Variants in CEP290 observed in about 807,000 individuals in gnomAD.
The protein encoded by CEP290 is centrosomal protein 290, also known as centrosomal protein of 290 kDa.
A neutral mutation model predicts 344.9 loss-of-function variants in CEP290; 317 were observed. The ratio of observed to expected loss-of-function variants is 0.92; its 90% CI spans 0.84 to 1.01. The LOEUF (loss-of-function observed/expected upper bound fraction) is 1.01. Among genes scored for constraint, CEP290 ranks in the 50% least tolerant of loss-of-function variants. The probability of loss-of-function intolerance (pLI) is 0.00; values close to 1 mark genes in which losing one functional copy is unlikely to be tolerated. For missense variants in CEP290, 2,754 were observed against 2,761.4 expected (o/e 1.00, Z 0.06); for synonymous variants, 932 against 895.8 (o/e 1.04, Z -0.72).
chr12:88,118,341 C>CGG, intron 17 of CEP290, 142 bp downstream of exon 17: 1 of 665,864 alleles, frequency 1.5e-6, no homozygotes, highest in Non-Finnish European at 2.6e-6. Context: ...CACTTATCTC[C>CGG]TTCAGGTTAT....
At chr12:88,099,621 GAAT>G (rs2037721191) in intron 26 of CEP290, among the ~76,000 whole-genome samples, 2 of 151,966 alleles carry the variant, frequency 1.3e-5, no homozygotes, top group South Asian at 4.1e-4. Flanking sequence ...GTGTTATGAA[GAAT>G]AATACAAACA....
intron 13 of CEP290, among the ~76,000 whole-genome samples, chr12:88,123,341 A>T (rs2039529432): frequency 6.6e-6 from 1 of 152,066 alleles, no homozygotes; most frequent in South Asian, 2.1e-4. Context: ...TTATAGAAAC[A>T]GTCCTGGAAA....
chr12:88,060,049 T>C (rs1262764697), intron 47 of CEP290, 29 bp from the exon 48 acceptor site: 1 of 1,466,684 alleles, frequency 6.8e-7, no homozygotes, highest in Non-Finnish European at 9.1e-7. Flanking sequence ...AAATAAAAAG[T>C]ATACATTATC....
At chr12:88,118,235 T>C (rs2039178474) in intron 17 of CEP290, among the ~76,000 whole-genome samples, 1 of 152,028 alleles carries the variant, frequency 6.6e-6, no homozygotes, top group South Asian at 2.1e-4. Context: ...ATTCCATAAT[T>C]CTAAGGTTTT....
intron 53 of CEP290, chr12:88,049,930 A>C (rs1182955069): frequency 6.2e-6 from 1 of 161,682 alleles, no homozygotes; most frequent in East Asian, 1.9e-4. Flanking sequence ...ACTATTTAGA[A>C]TAGCCAGTGA....
intron 37 of CEP290, 70 bp from the exon 38 acceptor site, chr12:88,080,465 T>C: frequency 8.9e-7 from 1 of 1,125,250 alleles, no homozygotes; most frequent in East Asian, 2.4e-5. Context: ...AGTCTCACTC[T>C]GTCACCCAGG....
intron 22 of CEP290, among the ~76,000 whole-genome samples, chr12:88,110,016 C>A (rs1415317545): frequency 6.6e-6 from 1 of 151,680 alleles, no homozygotes; most frequent in Non-Finnish European, 1.5e-5. Context: ...CCTTAGACAA[C>A]ATAAAATAAT....
At position 88,079,127 on chromosome 12, in the gene CEP290, G is replaced by A. The variant is rs774410421; in HGVS notation, c.5329C>T (p.Gln1777Ter). 1.3e-6 allele frequency: 2 copies of A among 1,594,498 alleles called. No homozygotes were observed. Among genetic ancestry groups the A allele is most frequent in the Non-Finnish European group, 8.5e-7 (1 of 1,172,604 alleles). Residue 1777 changes from glutamine to a stop codon, truncating the protein, a stop_gained, in exon 39 of 54, where the codon CAA (glutamine) becomes TAA (stop). Transcript: ENST00000552810. LOFTEE classifies it high-confidence loss of function. ...CTAGTATGTCGATCAACGATTTGTT[G>A]AACATTGAGATGGGCCTCTTTTTGA... is the stretch of plus-strand genomic sequence containing the variant. ...TSQKEAHLNV[Q>*]QIVDRHTREL... is the part of the protein sequence containing the mutation.
At chr12:88,102,485 T>C (rs2037964397) in intron 26 of CEP290, among the ~76,000 whole-genome samples, 1 of 152,122 alleles carries the variant, frequency 6.6e-6, no homozygotes, top group African/African-American at 2.4e-5. Context: ...AGTGCTTCCC[T>C]CCTTTGATTA....
rs867094910 is a variant in CEP290, at chr12:88,117,104, G to A, written c.1753C>T (p.Gln585Ter). 5 of 1,561,050 alleles carry A rather than the reference G, an allele frequency of 3.2e-6. No homozygotes were observed. The highest frequency in any genetic ancestry group is 4.3e-6 in the Non-Finnish European group (5 of 1,149,774). ...TTTCTTTCACTTATTCTATCTCCTTGAGAAATGTTTTCAGTTAGGTTCAGG... is the reference window on the plus strand; with the variant it reads ...TTTCTTTCACTTATTCTATCTCCTTAAGAAATGTTTTCAGTTAGGTTCAGG... ...EDLNLTENIS[Q>*]GDRISERKLD... The change falls in exon 18 of 54, where the codon CAA (glutamine) becomes TAA (stop). Residue 585 changes from glutamine (Q) to a stop codon, truncating the protein, a stop_gained. Coordinates refer to ENST00000552810, the MANE Select transcript of CEP290 (RefSeq NM_025114.4). LOFTEE classifies it high-confidence loss of function.
At chr12:88,136,524 T>G in intron 6 of CEP290, 119 bp downstream of exon 6, 1 of 975,580 alleles carries the variant, frequency 1.0e-6, no homozygotes, top group Non-Finnish European at 1.6e-6. Context: ...ACCTTAGAGA[T>G]AAGTGTACAT....
rs113132803 is a variant in CEP290 at position 88,131,237 on chromosome 12, A to G, written c.442-19T>C. ...GAGCCAACTAAAATAGTAAAAAAAAAAAATAAATAAGAAGAAGATAAAATT... is the reference window on the plus strand; with the variant it reads ...GAGCCAACTAAAATAGTAAAAAAAAGAAATAAATAAGAAGAAGATAAAATT... On this transcript the variant is annotated intron_variant, in intron 6 of 53. Transcript: ENST00000552810. 1.4e-6 allele frequency: 2 copies of G among 1,457,906 alleles called. No individual in the cohort carries two copies. Among genetic ancestry groups the G allele is most frequent in the Non-Finnish European group, 1.8e-6 (2 of 1,105,188 alleles). The allele number at this position is 1,457,906 out of a possible 1,614,324, so 90.3% of individuals were successfully genotyped here.
Position 88,106,980 on chromosome 12 carries a change from A to C in CEP290, c.2586+16T>G. Reference sequence around the variant, plus strand: ...TGTACAATATTGCATACTAATGTTAAAAATGTTTTACTTACATTATATTCT... The same window carrying C: ...TGTACAATATTGCATACTAATGTTACAAATGTTTTACTTACATTATATTCT... On this transcript the variant is annotated intron_variant, in intron 24 of 53. Coordinates refer to ENST00000552810, the MANE Select transcript of CEP290 (RefSeq NM_025114.4). The C allele has an allele frequency of 1.3e-6, 2 of 1,537,198 alleles. No individual in the cohort carries two copies. The highest frequency in any genetic ancestry group is 1.2e-5 in the South Asian group (1 of 81,128).
Position 88,139,555 on chromosome 12 carries a change from G to C in CEP290, c.190C>G (p.Gln64Glu), listed in dbSNP as rs1166981120. 1 of 1,575,940 alleles carries C rather than the reference G, an allele frequency of 6.3e-7. No homozygotes were observed. Among genetic ancestry groups the C allele is most frequent in the Non-Finnish European group, 8.6e-7 (1 of 1,162,326 alleles). Residue 64 changes from glutamine to glutamate, a missense_variant, in exon 4 of 54, where the codon CAA (glutamine) becomes GAA (glutamate). Physicochemically the swap from Gln to Glu is conservative, Grantham distance 29. Coordinates refer to ENST00000552810, the MANE Select transcript of CEP290 (RefSeq NM_025114.4). ...ITQSLMKMKA[Q>E]EVELALEEVE... Reference sequence around the variant, plus strand: ...TCTTCCAAAGCCAGCTCCACTTCTTGAGCTTTCATCTAAACATTAAAAAAA... The same window carrying C: ...TCTTCCAAAGCCAGCTCCACTTCTTCAGCTTTCATCTAAACATTAAAAAAA...
At chr12:88,086,288 C>G in intron 33 of CEP290, 103 bp downstream of exon 33, 1 of 1,411,064 alleles carries the variant, frequency 7.1e-7, no homozygotes, top group South Asian at 1.4e-5. Context: ...TTTAAATATA[C>G]AATATAACAT....
At chr12:88,100,422 C>T (rs1029615451) in intron 26 of CEP290, among the ~76,000 whole-genome samples, 1 of 152,094 alleles carries the variant, frequency 6.6e-6, no homozygotes. Context: ...CCATTCTTCA[C>T]ACATGAAATC....
chr12:88,110,260 A>G (rs1387456803), intron 22 of CEP290, among the ~76,000 whole-genome samples: 2 of 152,206 alleles, frequency 1.3e-5, no homozygotes, highest in East Asian at 1.9e-4. Context: ...AATGAAAAGG[A>G]TCTGTCATTA....
chr12:88,120,916 T>C (rs2039359153), intron 14 of CEP290, 81 bp downstream of exon 14: 7 of 1,108,806 alleles, frequency 6.3e-6, no homozygotes, highest in Non-Finnish European at 3.9e-6. Flanking sequence ...TTTTAAATGG[T>C]ATGCAGTAAA....
rs552863070 is a variant in CEP290 at position 88,054,636 on chromosome 12, G to T, written c.6961-223C>A. On this transcript the variant is annotated intron_variant, in intron 50 of 53. Transcript: ENST00000552810. The stretch of plus-strand genomic sequence containing the variant: ...GAGGCTAACAGCAGTGAACAAAATG[G>T]CAATGTTCCATCTTGCATGGTCCTT... Among the ~76,000 whole-genome samples the T allele has an allele frequency of 6.3e-4, 96 of 152,262 alleles. 1 individual carries two copies. The South Asian group carries it at 9.7e-3, about 15-fold the overall frequency.
Sources: gnomAD v4.1 joint callset for allele counts (sites outside exome capture counted in the v4.1 genomes callset) on GRCh38, gnomAD v4.1.1 for gene constraint, MANE v1.5 for transcripts, NCBI Gene and HGNC (gene_info 2026-07-23, HGNC 2026-07-21) for gene names.